Variants in ZER1 observed in about 807,000 individuals in gnomAD.
ZER1 encodes protein zer-1 homolog.
Under a neutral mutation model 78.8 loss-of-function variants are expected in ZER1, and 11 were observed. The ratio of observed to expected loss-of-function variants is 0.14; its 90% CI spans 0.09 to 0.23. The LOEUF (loss-of-function observed/expected upper bound fraction) is 0.23, where lower values mean the gene tolerates loss of function less well. ZER1 is among the 10% of genes least tolerant of loss of function. The pLI, the probability that ZER1 is intolerant of heterozygous loss-of-function variation, is 1.00. For synonymous variants in ZER1, 400 were observed against 407.0 expected (o/e 0.98, Z 0.21); for missense variants, 588 against 996.9 (o/e 0.59, Z 5.52).
Position 128,753,763 on chromosome 9 carries a change from C to T in ZER1, c.309+46G>A, listed in dbSNP as rs1863765675. 1 of 1,586,874 alleles carries T rather than the reference C, an allele frequency of 6.3e-7. No homozygotes were observed. Among genetic ancestry groups the T allele is most frequent in the East Asian group, 2.3e-5 (1 of 44,262 alleles). The stretch of plus-strand genomic sequence containing the variant: ...GGGCTGGAGGCGAGCAGCCTGGCCC[C>T]TGCTTGGTGTGGGCCCTCCTGGCGC... On this transcript the variant is annotated intron_variant, in intron 3 of 15. Coordinates refer to ENST00000291900, the MANE Select transcript of ZER1 (RefSeq NM_006336.4). The surrounding 1 kb of genome is among the most constrained non-coding windows in gnomAD (Gnocchi z 7.5).
intron 1 of ZER1, among the ~76,000 whole-genome samples, chr9:128,765,212 T>TACACACACACAC (rs60923356): frequency 2.0e-5 from 3 of 149,702 alleles, no homozygotes; most frequent in African/African-American, 4.9e-5. Context: ...CATGCACATG[T>TACACACACACAC]ACACACACAC....
intron 5 of ZER1, 135 bp downstream of exon 5, chr9:128,752,538 C>T: frequency 1.0e-6 from 1 of 973,362 alleles, no homozygotes; most frequent in South Asian, 1.8e-5. Flanking sequence ...CCAGGCTGGT[C>T]TCTAACTCCT....
At position 128,735,469 on chromosome 9, in the gene ZER1, G is replaced by A. The variant is rs143265047; in HGVS notation, c.2043-38C>T. The A allele has an allele frequency of 4.7e-4, 749 of 1,586,230 alleles. 1 individual carries two copies. The highest frequency in any genetic ancestry group is 5.6e-4 in the Non-Finnish European group (653 of 1,160,708). ...AAATCAAGGTCACTGTGGATGCTGA[G>A]GGTGGGGAGTGTGTCTTTTCTTGTC... On this transcript the variant is annotated intron_variant, in intron 13 of 15. Transcript: ENST00000291900.
intron 13 of ZER1, among the ~76,000 whole-genome samples, chr9:128,738,606 C>T (rs993666478): frequency 6.6e-6 from 1 of 150,610 alleles, no homozygotes; most frequent in Non-Finnish European, 1.5e-5. Flanking sequence ...AAGATGGTCT[C>T]GATTTCCTGA....
At chr9:128,765,673 A>T (rs1864185093) in intron 1 of ZER1, among the ~76,000 whole-genome samples, 1 of 152,146 alleles carries the variant, frequency 6.6e-6, no homozygotes, top group Non-Finnish European at 1.5e-5. Flanking sequence ...TTAACCTAGG[A>T]GCTGGGGGGA....
intron 1 of ZER1, among the ~76,000 whole-genome samples, chr9:128,757,759 A>G (rs1464753860): frequency 1.3e-5 from 2 of 152,162 alleles, no homozygotes; most frequent in East Asian, 3.8e-4. Flanking sequence ...AATCTCCCAC[A>G]GGGCTGGCGG....
In ZER1 at chr9:128,733,491, C is replaced by G; in HGVS notation, c.2178G>C (p.Gly726=). Residue 726 remains glycine (G), a synonymous_variant, in exon 15 of 16, where the codon GGG becomes GGC. Coordinates refer to ENST00000291900, the MANE Select transcript of ZER1 (RefSeq NM_006336.4). Reference sequence around the variant, plus strand: ...TAATTATGTCCCTCAGAAGGGGCATCCCCCCTTCTTTGATCAGCAGAGGGC... The same window carrying G: ...TAATTATGTCCCTCAGAAGGGGCATGCCCCCTTCTTTGATCAGCAGAGGGC... ...KYCPLLIKEG[G]MPLLRDIIKM... 6.2e-7 allele frequency: 1 copy of G among 1,613,738 alleles called. No individual in the cohort carries two copies. Among genetic ancestry groups the G allele is most frequent in the Non-Finnish European group, 8.5e-7 (1 of 1,179,882 alleles).
rs1359647904 is a variant in ZER1 at position 128,755,036 on chromosome 9, G to C, written c.158+372C>G. On this transcript the variant is annotated intron_variant, in intron 2 of 15. Coordinates refer to ENST00000291900, the MANE Select transcript of ZER1 (RefSeq NM_006336.4). This position sits in a 1 kb window ranked among gnomAD's most constrained non-coding sequence, Gnocchi z 5.6. ...CAAGCACAGGTATGTGCATGTGAAT[G>C]TACATACACGTGTGGGGCAACACTT... 6.6e-6 allele frequency among the ~76,000 whole-genome samples: 1 copy of C among 152,224 alleles called. No homozygotes were observed. The highest frequency in any genetic ancestry group is 1.9e-4 in the East Asian group (1 of 5,190).
At chr9:128,735,574 C>A in intron 13 of ZER1, 143 bp from the exon 14 acceptor site, 1 of 767,368 alleles carries the variant, frequency 1.3e-6, no homozygotes, top group Non-Finnish European at 2.1e-6. Flanking sequence ...GACAGCTGGC[C>A]CTGCATCCCA....
In ZER1 at chr9:128,753,853, C is replaced by T; in HGVS notation, c.265G>A (p.Glu89Lys). The T allele has an allele frequency of 6.2e-7, 1 of 1,603,634 alleles. No individual in the cohort carries two copies. The highest frequency in any genetic ancestry group is 8.5e-7 in the Non-Finnish European group (1 of 1,175,750). ...AGGTCCTGGTCCTGCACCAGGTCCT[C>T]ACGGAGGTGGATCCGCGTGAGGCGG... ...STRLTRIHLR[E>K]DLVQDQDLEA... is the part of the protein sequence containing the mutation. Residue 89 changes from glutamate to lysine, a missense_variant, in exon 3 of 16, where the codon GAG (glutamate) becomes AAG (lysine). Around this residue, in one of 3 missense-constraint regions of ZER1, gnomAD observed 406 missense variants for 660.1 expected, o/e 0.62. Coordinates refer to ENST00000291900, the MANE Select transcript of ZER1 (RefSeq NM_006336.4). This position sits in a 1 kb window ranked among gnomAD's most constrained non-coding sequence, Gnocchi z 7.5.
chr9:128,761,150 T>C (rs1424687718), intron 1 of ZER1, among the ~76,000 whole-genome samples: 1 of 139,490 alleles, frequency 7.2e-6, no homozygotes, highest in African/African-American at 2.7e-5. Context: ...AGAGCCAGAC[T>C]CTGTCTCAAA....
At chr9:128,742,789 C>A in intron 8 of ZER1, 44 bp from the exon 9 acceptor site, 2 of 1,551,530 alleles carry the variant, frequency 1.3e-6, no homozygotes, top group Admixed American at 1.9e-5. Context: ...CAGGGTCAGA[C>A]TCAGGAGCAG....
chr9:128,768,790 C>T (rs987420086), intron 1 of ZER1, among the ~76,000 whole-genome samples: 14 of 152,246 alleles, frequency 9.2e-5, no homozygotes, highest in Admixed American at 7.9e-4. Context: ...ACTTCCGGAT[C>T]ACCAGCCTCT....
rs1863237508 is a variant in ZER1, at chr9:128,740,062, G to A, written c.1911C>T (p.Val637=). The A allele has an allele frequency of 6.2e-7, 1 of 1,613,824 alleles. No individual in the cohort carries two copies. The highest frequency in any genetic ancestry group is 1.1e-5 in the South Asian group (1 of 91,066). The change falls in exon 13 of 16, where the codon GTC becomes GTT. Residue 637 remains valine (V), a synonymous_variant. Coordinates refer to ENST00000291900, the MANE Select transcript of ZER1 (RefSeq NM_006336.4). This position sits in a 1 kb window ranked among gnomAD's most constrained non-coding sequence, Gnocchi z 4.4. ...GIEVSYNACG[V]LSHIMFDGPE... ...GTCCATCAAACATGATGTGGGAGAG[G>A]ACGCCGCAGGCATTGTAGGAAACCT...
rs983576501 is a variant in ZER1, at chr9:128,753,445, C to T, written c.465G>A (p.Glu155=). The T allele has an allele frequency of 6.8e-6, 11 of 1,614,056 alleles. No homozygotes were observed. Among genetic ancestry groups the T allele is most frequent in the Non-Finnish European group, 9.3e-6 (11 of 1,180,026 alleles). ...EEENPGGCED[E]YLVNPTCQVL... Reference sequence around the variant, plus strand: ...CCTGGCAGGTGGGGTTGACGAGGTACTCATCTTCACAGCCCCCTGGGTTCT... The same window carrying T: ...CCTGGCAGGTGGGGTTGACGAGGTATTCATCTTCACAGCCCCCTGGGTTCT... Residue 155 remains glutamate (E), a synonymous_variant, in exon 4 of 16, where the codon GAG becomes GAA. Transcript: ENST00000291900. The surrounding 1 kb of genome is among the most constrained non-coding windows in gnomAD (Gnocchi z 7.5).
chr9:128,742,854 C>T (rs1863350789), intron 8 of ZER1, 109 bp from the exon 9 acceptor site: 1 of 1,186,258 alleles, frequency 8.4e-7, no homozygotes, highest in Non-Finnish European at 1.2e-6. Context: ...GCAGTCCAGC[C>T]CGGTTTTCTG....
rs141373292 is a variant in ZER1 at position 128,750,316 on chromosome 9, T to A, written c.1359+300A>T. ...TTATTACTTTTATATTAAAAGCAGC[T>A]GTTGGTAAGAAATCCCCCAGCAGAG... On this transcript the variant is annotated intron_variant, in intron 8 of 15. Coordinates refer to ENST00000291900, the MANE Select transcript of ZER1 (RefSeq NM_006336.4). Among the ~76,000 whole-genome samples the A allele has an allele frequency of 3.7e-4, 57 of 152,334 alleles. 1 individual carries two copies. In the East Asian group the frequency reaches 0.011, roughly 28 times the overall value.
chr9:128,763,991 A>C (rs923838709), intron 1 of ZER1, among the ~76,000 whole-genome samples: 2 of 152,126 alleles, frequency 1.3e-5, no homozygotes, highest in Non-Finnish European at 2.9e-5. Context: ...CCATCAAAAA[A>C]AAAAAAAGAA....
At chr9:128,765,212 TACACACACACACACACACACAC>T (rs60923356) in intron 1 of ZER1, among the ~76,000 whole-genome samples, 6 of 149,798 alleles carry the variant, frequency 4.0e-5, no homozygotes, top group African/African-American at 1.2e-4. Context: ...CATGCACATG[TACACACACACACACACACACAC>T]ACACACACAC....
Sources: allele counts gnomAD v4.1 joint callset (sites outside exome capture counted in the v4.1 genomes callset), GRCh38; gene constraint gnomAD v4.1.1; regional missense constraint gnomAD v4.1.1; non-coding constraint Gnocchi (gnomAD v3.1); transcripts MANE v1.5; gene names NCBI Gene and HGNC (gene_info 2026-07-23, HGNC 2026-07-21).